The following AGTR1 variants were observed in gnomAD, a reference collection of about 807,000 sequenced individuals.
The protein encoded by AGTR1 is angiotensin II receptor type 1.
A neutral mutation model predicts 19.4 loss-of-function variants in AGTR1; 16 were observed. The ratio of observed to expected loss-of-function variants is 0.82; its 90% confidence interval spans 0.56 to 1.25. AGTR1 has a LOEUF of 1.25. AGTR1 is among the 50% of genes most tolerant of loss of function. The pLI, the probability that AGTR1 is intolerant of heterozygous loss-of-function variation, is 0.00. For missense variants in AGTR1, 373 were observed against 431.9 expected, an observed-to-expected ratio of 0.86 and a Z score of 1.21; for synonymous variants, 153 against 154.9, an observed-to-expected ratio of 0.99 and a Z score of 0.09.
intron 2 of AGTR1, among the ~76,000 whole-genome samples, chr3:148,740,393 A>C (rs1714804761): frequency 6.6e-6 from 1 of 152,202 alleles, no homozygotes; most frequent in Non-Finnish European, 1.5e-5. Context: ...CCTATTCCTC[A>C]AAGTCGAGCC....
chr3:148,723,940 G>A (rs908498985), intron 2 of AGTR1, among the ~76,000 whole-genome samples: 1 of 152,122 alleles, frequency 6.6e-6, no homozygotes, highest in African/African-American at 2.4e-5. Context: ...TTGGAGTCTC[G>A]TCTCAGTTCT....
At chr3:148,712,759 CA>C (rs1713063298) in intron 2 of AGTR1, among the ~76,000 whole-genome samples, 1 of 152,112 alleles carries the variant, frequency 6.6e-6, no homozygotes, top group Non-Finnish European at 1.5e-5. Flanking sequence ...ATGTGATATA[CA>C]AAATTATTGT....
At chr3:148,701,465 A>G (rs1337384582) in intron 1 of AGTR1, among the ~76,000 whole-genome samples, 1 of 152,232 alleles carries the variant, frequency 6.6e-6, no homozygotes, top group African/African-American at 2.4e-5. Flanking sequence ...AAAATTCATT[A>G]TGTAGTATAA....
intron 2 of AGTR1, among the ~76,000 whole-genome samples, chr3:148,727,426 G>A (rs1170272657): frequency 6.6e-6 from 1 of 152,152 alleles, no homozygotes; most frequent in Non-Finnish European, 1.5e-5. Flanking sequence ...CAGATTCCCC[G>A]AAGTGTCTAT....
At position 148,741,749 on chromosome 3, in the gene AGTR1, T is replaced by A; in HGVS notation, c.714T>A (p.Ile238=). Residue 238 remains isoleucine, a synonymous_variant, in exon 3 of 3, where the codon ATT becomes ATA. Coordinates refer to ENST00000349243, the MANE Select transcript of AGTR1 (RefSeq NM_000685.5). ...IQKNKPRNDD[I]FKIIMAIVLF... is the part of the protein sequence containing the mutation. Reference sequence around the variant, plus strand: ...AGAACAAACCAAGAAATGATGATATTTTTAAGATAATTATGGCAATTGTGC... The same window carrying A: ...AGAACAAACCAAGAAATGATGATATATTTAAGATAATTATGGCAATTGTGC... The A allele has an allele frequency of 6.2e-7, 1 of 1,613,834 alleles. No homozygotes were observed. Among genetic ancestry groups the A allele is most frequent in the Non-Finnish European group, 8.5e-7 (1 of 1,179,992 alleles).
At chr3:148,706,755 A>G (rs1035503281) in intron 1 of AGTR1, among the ~76,000 whole-genome samples, 4 of 152,060 alleles carry the variant, frequency 2.6e-5, no homozygotes, top group Non-Finnish European at 5.9e-5. Context: ...AAGAAGTTCA[A>G]CCTCATTCAT....
chr3:148,742,246 T>G lies in AGTR1; in HGVS notation c.*131T>G, dbSNP rs748368925. ...GAAGGAGAAAATGCATTATGTGGAC[T>G]GAACCGACTTTTCTAAAGCTCTGAA... On this transcript the variant is annotated 3_prime_UTR_variant, in exon 3 of 3. Transcript: ENST00000349243. 2 of 1,277,016 alleles carry G rather than the reference T, an allele frequency of 1.6e-6. No individual in the cohort carries two copies. The highest frequency in any genetic ancestry group is 2.3e-5 in the East Asian group (1 of 43,322). 79.1% of individuals were successfully genotyped at this position (1,277,016 alleles called of 1,614,324 possible).
rs189698689 is a variant in AGTR1 at position 148,740,717 on chromosome 3, G to A, written c.-47-272G>A. Among the ~76,000 whole-genome samples, 13 of 152,220 alleles carry A rather than the reference G, an allele frequency of 8.5e-5. No homozygotes were observed. In the East Asian group the frequency reaches 2.5e-3, roughly 29 times the overall value. On this transcript the variant is annotated intron_variant, in intron 2 of 2. Transcript: ENST00000349243. ...ACCAAGATTTACTTATAGAAAAAAA[G>A]GAAAAGGACCTAGATAGGTTTATTC... is the stretch of plus-strand genomic sequence containing the variant.
At chr3:148,720,013 T>C (rs904884125) in intron 2 of AGTR1, among the ~76,000 whole-genome samples, 5 of 152,254 alleles carry the variant, frequency 3.3e-5, no homozygotes, top group Non-Finnish European at 5.9e-5. Context: ...GAATCTGTTA[T>C]TGAAGTTTTG....
intron 2 of AGTR1, among the ~76,000 whole-genome samples, chr3:148,720,714 T>G (rs1218991278): frequency 1.5e-5 from 2 of 130,576 alleles, no homozygotes; most frequent in Admixed American, 7.1e-5. Flanking sequence ...ATTTTTTTAC[T>G]CACGTTACTA....
intron 2 of AGTR1, among the ~76,000 whole-genome samples, chr3:148,710,879 T>C (rs1204613893): frequency 6.6e-6 from 1 of 152,070 alleles, no homozygotes; most frequent in Non-Finnish European, 1.5e-5. Flanking sequence ...GAGTTCTTGC[T>C]CTGAAACTGT....
At chr3:148,713,389 CTAACAAT>C (rs1361786123) in intron 2 of AGTR1, among the ~76,000 whole-genome samples, 3 of 151,978 alleles carry the variant, frequency 2.0e-5, no homozygotes, top group African/African-American at 7.2e-5. Context: ...GCAATTCAGT[CTAACAAT>C]TAAGAACCCT....
intron 2 of AGTR1, among the ~76,000 whole-genome samples, chr3:148,713,954 A>G (rs1713144047): frequency 6.6e-6 from 1 of 152,174 alleles, no homozygotes; most frequent in African/African-American, 2.4e-5. Flanking sequence ...TGCAACTATC[A>G]TGACCTAGAA....
At chr3:148,724,960 A>C (rs1404493230) in intron 2 of AGTR1, among the ~76,000 whole-genome samples, 1 of 152,240 alleles carries the variant, frequency 6.6e-6, no homozygotes, top group East Asian at 1.9e-4. Context: ...AGTACAAAAA[A>C]TATTTAGCCT....
At chr3:148,725,240 G>C (rs1019932997) in intron 2 of AGTR1, among the ~76,000 whole-genome samples, 2 of 152,086 alleles carry the variant, frequency 1.3e-5, no homozygotes, top group African/African-American at 4.8e-5. Flanking sequence ...CCAACCAAAG[G>C]TCTATAGTGT....
Position 148,712,508 on chromosome 3 carries a change from G to A in AGTR1, c.-48+4481G>A, listed in dbSNP as rs558814710. Among the ~76,000 whole-genome samples, 13 of 152,224 alleles carry A rather than the reference G, an allele frequency of 8.5e-5. No individual in the cohort carries two copies. The South Asian group carries it at 2.5e-3, about 29-fold the overall frequency. ...GCCACTGTAGATGAAACCAGTCAGGGGGTAAGAGCTGTCTTTTGATCTAGA... is the reference window on the plus strand; with the variant it reads ...GCCACTGTAGATGAAACCAGTCAGGAGGTAAGAGCTGTCTTTTGATCTAGA... On this transcript the variant is annotated intron_variant, in intron 2 of 2. Transcript: ENST00000349243.
rs1205851247 is a variant in AGTR1 at position 148,724,372 on chromosome 3, A to G, written c.-48+16345A>G. 3.3e-5 allele frequency among the ~76,000 whole-genome samples: 5 copies of G among 152,322 alleles called. No homozygotes were observed. In the East Asian group the frequency reaches 9.6e-4, roughly 29 times the overall value. On this transcript the variant is annotated intron_variant, in intron 2 of 2. Transcript: ENST00000349243. ...TCTGACTTACAAGGACTCTCTTATG[A>G]ATCTCTGACTTACAAGGACTCTCTT...
At chr3:148,739,226 G>T (rs1358058431) in intron 2 of AGTR1, among the ~76,000 whole-genome samples, 1 of 152,118 alleles carries the variant, frequency 6.6e-6, no homozygotes, top group Non-Finnish European at 1.5e-5. Context: ...GGGCATGATG[G>T]TACACACTGG....
At chr3:148,713,404 C>G (rs1239111121) in intron 2 of AGTR1, among the ~76,000 whole-genome samples, 1 of 151,726 alleles carries the variant, frequency 6.6e-6, no homozygotes, top group Non-Finnish European at 1.5e-5. Flanking sequence ...AATTAAGAAC[C>G]CTTAAGCTAA....
Sources: allele counts gnomAD v4.1 joint callset (sites outside exome capture counted in the v4.1 genomes callset), GRCh38; gene constraint gnomAD v4.1.1; transcripts MANE v1.5; gene names NCBI Gene and HGNC (gene_info 2026-07-23, HGNC 2026-07-21).